KCNT2: variants seen among roughly 807,000 people sequenced by gnomAD.
KCNT2 encodes potassium sodium-activated channel subfamily T member 2, also known as potassium channel subfamily T member 2.
A neutral mutation model predicts 153.8 loss-of-function variants in KCNT2; 67 were observed. The observed-to-expected ratio is 0.44, with a 90% CI of 0.36 to 0.53. KCNT2 has a LOEUF of 0.53. Among genes scored for constraint, KCNT2 ranks in the 20% least tolerant of loss-of-function variants. The pLI is 0.00. For missense variants in KCNT2, 975 were observed against 1,354.8 expected (o/e 0.72, Z 4.40); for synonymous variants, 500 against 458.8 (o/e 1.09, Z -1.15).
At chr1:196,416,041 G>A (rs1672727920) in intron 12 of KCNT2, among the ~76,000 whole-genome samples, 1 of 151,936 alleles carries the variant, frequency 6.6e-6, no homozygotes, top group Non-Finnish European at 1.5e-5. Flanking sequence ...GCCATTCTAA[G>A]TAGCATAAAA....
chr1:196,502,911 T>A (rs190234511), intron 1 of KCNT2, among the ~76,000 whole-genome samples: 3 of 152,188 alleles, frequency 2.0e-5, no homozygotes, highest in African/African-American at 7.2e-5. Context: ...AGGTATATTT[T>A]GTCATTCGTA....
intron 22 of KCNT2, among the ~76,000 whole-genome samples, chr1:196,292,197 T>G (rs1660244134): frequency 6.6e-6 from 1 of 152,280 alleles, no homozygotes; most frequent in South Asian, 2.1e-4. Context: ...GGATATATAC[T>G]TTTACTGAGG....
chr1:196,459,483 T>C (rs1676966274), intron 8 of KCNT2, among the ~76,000 whole-genome samples: 1 of 151,852 alleles, frequency 6.6e-6, no homozygotes, highest in Admixed American at 6.6e-5. Flanking sequence ...ATGATGGCAC[T>C]TATGATAATG....
chr1:196,390,597 C>G (rs914080734), intron 13 of KCNT2, among the ~76,000 whole-genome samples: 2 of 151,296 alleles, frequency 1.3e-5, no homozygotes, highest in African/African-American at 4.8e-5. Context: ...TTTTGTCCTC[C>G]TCACTGCACT....
At chr1:196,317,766 C>T (rs950138071) in intron 20 of KCNT2, among the ~76,000 whole-genome samples, 2 of 151,544 alleles carry the variant, frequency 1.3e-5, no homozygotes, top group African/African-American at 4.8e-5. Flanking sequence ...TTTGAGAGTA[C>T]CTGTGCTAAA....
intron 13 of KCNT2, among the ~76,000 whole-genome samples, chr1:196,383,061 T>C (rs1252701827): frequency 1.3e-5 from 2 of 152,058 alleles, no homozygotes; most frequent in Non-Finnish European, 2.9e-5. Flanking sequence ...CTGAATGAAG[T>C]GGCAGACTAG....
At chr1:196,331,947 G>A (rs1018129295) in intron 17 of KCNT2, among the ~76,000 whole-genome samples, 5 of 152,040 alleles carry the variant, frequency 3.3e-5, no homozygotes, top group Admixed American at 3.3e-4. Context: ...ACAGCCAACA[G>A]CATATTTCGG....
intron 5 of KCNT2, among the ~76,000 whole-genome samples, chr1:196,473,105 T>C (rs1678239487): frequency 6.6e-6 from 1 of 152,208 alleles, no homozygotes; most frequent in African/African-American, 2.4e-5. Context: ...TTAAGTATAC[T>C]TTTGCATATA....
At chr1:196,327,602 T>A (rs556370914) in intron 18 of KCNT2, among the ~76,000 whole-genome samples, 1 of 152,154 alleles carries the variant, frequency 6.6e-6, no homozygotes, top group South Asian at 2.1e-4. Flanking sequence ...TATGTTCATT[T>A]CTTATTTATG....
intron 23 of KCNT2, among the ~76,000 whole-genome samples, chr1:196,284,248 A>AAAATAT: frequency 2.3e-3 from 23 of 10,048 alleles, no homozygotes; most frequent in African/African-American, 3.2e-3. Flanking sequence ...AAAAAAAAAA[A>AAAATAT]ATATATATAT....
chr1:196,357,213 T>C (rs537615171), intron 14 of KCNT2, among the ~76,000 whole-genome samples: 1 of 152,052 alleles, frequency 6.6e-6, no homozygotes, highest in East Asian at 1.9e-4. Flanking sequence ...AGTGATTACA[T>C]TATTATGCGG....
chr1:196,490,434 T>C (rs999571443), intron 2 of KCNT2, among the ~76,000 whole-genome samples: 3 of 148,222 alleles, frequency 2.0e-5, no homozygotes, highest in East Asian at 1.9e-4. Context: ...ATTAACTATA[T>C]AATTATAATA....
chr1:196,341,926 G>A (rs573784481), intron 15 of KCNT2, among the ~76,000 whole-genome samples, 153 bp downstream of exon 15: 4 of 151,808 alleles, frequency 2.6e-5, no homozygotes, highest in African/African-American at 9.7e-5. Flanking sequence ...CAGACACCAG[G>A]GTTCAAATGT....
intron 14 of KCNT2, among the ~76,000 whole-genome samples, chr1:196,368,041 C>T (rs1282053172): frequency 6.6e-6 from 1 of 152,194 alleles, no homozygotes; most frequent in Non-Finnish European, 1.5e-5. Flanking sequence ...GCTCTGATGA[C>T]GTCACTGAGT....
intron 8 of KCNT2, among the ~76,000 whole-genome samples, chr1:196,464,886 C>A (rs777136615): frequency 6.6e-6 from 1 of 151,978 alleles, no homozygotes; most frequent in Non-Finnish European, 1.5e-5. Flanking sequence ...GCACAGAAAG[C>A]AGAGGCAGAA....
intron 12 of KCNT2, among the ~76,000 whole-genome samples, chr1:196,405,477 G>A (rs555692570): frequency 6.6e-6 from 1 of 151,432 alleles, no homozygotes; most frequent in Admixed American, 6.6e-5. Context: ...GGTATTTGTT[G>A]TTCTAAGGAC....
intron 13 of KCNT2, among the ~76,000 whole-genome samples, chr1:196,395,622 A>ACTTG (rs1670872385): frequency 6.6e-6 from 1 of 151,576 alleles, no homozygotes; most frequent in Non-Finnish European, 1.5e-5. Context: ...ACTCGAGCTT[A>ACTTG]AAGACTTGAA....
Position 196,513,553 on chromosome 1 carries a change from T to A in KCNT2, c.96-21212A>T, listed in dbSNP as rs141781527. Among the ~76,000 whole-genome samples, 149 of 152,330 alleles carry A rather than the reference T, an allele frequency of 9.8e-4. No individual in the cohort carries two copies. The Middle Eastern group carries it at 0.01, about 10-fold the overall frequency. ...TCGTACAATTTTTCAACAAGAATAT[T>A]CATTTGGACTTTTAAGAAAAAAATG... On this transcript the variant is annotated intron_variant, in intron 1 of 27. Transcript: ENST00000294725.
chr1:196,278,280 T>A (rs1463525050), intron 25 of KCNT2, among the ~76,000 whole-genome samples: 1 of 152,162 alleles, frequency 6.6e-6, no homozygotes, highest in African/African-American at 2.4e-5. Context: ...CGACAAAATA[T>A]TTTGTTGTAA....
Sources: allele counts gnomAD v4.1 joint callset (sites outside exome capture counted in the v4.1 genomes callset), GRCh38; gene constraint gnomAD v4.1.1; transcripts MANE v1.5; gene names NCBI Gene and HGNC (gene_info 2026-07-23, HGNC 2026-07-21).